MIPOL1: variants seen among roughly 807,000 people sequenced by gnomAD.
MIPOL1 encodes the protein mirror-image polydactyly gene 1 protein.
Under a neutral mutation model 60.9 loss-of-function variants are expected in MIPOL1, and 57 were observed. That is an observed-to-expected ratio of 0.94 (90% CI 0.76 to 1.17). MIPOL1 has a LOEUF of 1.17. Ranked by LOEUF, MIPOL1 falls within the 50% of genes most tolerant of loss-of-function variation. The probability of loss-of-function intolerance (pLI) is 0.00; values close to 1 mark genes in which losing one functional copy is unlikely to be tolerated. For missense variants in MIPOL1, 551 were observed against 511.6 expected, an observed-to-expected ratio of 1.08 and a Z score of -0.74; for synonymous variants, 179 against 168.8, an observed-to-expected ratio of 1.06 and a Z score of -0.47.
intron 12 of MIPOL1, among the ~76,000 whole-genome samples, chr14:37,522,735 A>T (rs1035507038): frequency 5.3e-5 from 8 of 152,202 alleles, no homozygotes; most frequent in Admixed American, 5.2e-4. Context: ...CATAGAATAC[A>T]TCATTTATCG....
chr14:37,425,784 AAG>A, intron 11 of MIPOL1, among the ~76,000 whole-genome samples: 1 of 152,334 alleles, frequency 6.6e-6, no homozygotes. Context: ...CATAGGAAAA[AAG>A]AGTCAAATGT....
At chr14:37,505,877 T>C (rs972518177) in intron 12 of MIPOL1, 2 of 152,208 alleles carry the variant, frequency 1.3e-5, no homozygotes, top group African/African-American at 4.8e-5. Flanking sequence ...GCCCAAAACC[T>C]CTTTAAGATG....
chr14:37,364,412 G>A (rs1566441441), intron 9 of MIPOL1, among the ~76,000 whole-genome samples: 1 of 152,192 alleles, frequency 6.6e-6, no homozygotes, highest in Non-Finnish European at 1.5e-5. Context: ...TATATGGCAA[G>A]GGTTAGTTGT....
chr14:37,377,544 T>C (rs993780178), intron 10 of MIPOL1, among the ~76,000 whole-genome samples: 8 of 152,104 alleles, frequency 5.3e-5, no homozygotes, highest in African/African-American at 1.9e-4. Flanking sequence ...ATATTTTAAA[T>C]CATTCTTTAT....
Position 37,482,372 on chromosome 14 carries a change from T to C in MIPOL1, c.1032-17536T>C, listed in dbSNP as rs939085568. On this transcript the variant is annotated intron_variant, in intron 11 of 12. Transcript: ENST00000684589. ...AATGCAAATTAAAACCACAATAAGA[T>C]ATCTTACACCAGTCAGCATGGCTGT... Among the ~76,000 whole-genome samples the C allele has an allele frequency of 4.5e-4, 68 of 152,296 alleles. 3 individuals are homozygous for C. Among genetic ancestry groups the C allele is most frequent in the Middle Eastern group, 3.4e-3 (1 of 294 alleles).
intron 12 of MIPOL1, chr14:37,503,777 G>A (rs551268443): frequency 6.6e-6 from 1 of 152,120 alleles, no homozygotes; most frequent in African/African-American, 2.4e-5. Flanking sequence ...AAATGGAAAT[G>A]GGCTAAATGC....
chr14:37,216,062 CAAAA>C (rs71449980), intron 1 of MIPOL1, among the ~76,000 whole-genome samples: 3 of 85,832 alleles, frequency 3.5e-5, no homozygotes, highest in East Asian at 7.2e-4. Context: ...ACCTCCATCT[CAAAA>C]AAAAAAAAAA....
Position 37,414,200 on chromosome 14 carries a change from C to G in MIPOL1, c.937-8655C>G, listed in dbSNP as rs151042938. On this transcript the variant is annotated intron_variant, in intron 10 of 12. Transcript: ENST00000684589. Reference sequence around the variant, plus strand: ...TACTTGAGAAAAGATAAGTTGACTTCTCCCAGTTTAGTGAATGACATATTT... The same window carrying G: ...TACTTGAGAAAAGATAAGTTGACTTGTCCCAGTTTAGTGAATGACATATTT... 4.3e-3 allele frequency among the ~76,000 whole-genome samples: 654 copies of G among 152,226 alleles called. 4 individuals carry two copies. The highest frequency in any genetic ancestry group is 0.015 in the African/African-American group (629 of 41,534).
chr14:37,351,549 T>A (rs1259127934), intron 9 of MIPOL1, among the ~76,000 whole-genome samples: 1 of 149,508 alleles, frequency 6.7e-6, no homozygotes, highest in Non-Finnish European at 1.5e-5. Flanking sequence ...TTCCTATTTC[T>A]CCACATCCTC....
intron 3 of MIPOL1, among the ~76,000 whole-genome samples, chr14:37,252,557 C>T (rs892506968): frequency 1.3e-5 from 2 of 151,760 alleles, no homozygotes; most frequent in African/African-American, 4.8e-5. Flanking sequence ...TGAAAGGTAA[C>T]TTGCAAGTGG....
intron 12 of MIPOL1, among the ~76,000 whole-genome samples, chr14:37,509,299 T>G (rs998621113): frequency 6.6e-6 from 1 of 151,884 alleles, no homozygotes; most frequent in South Asian, 2.1e-4. Flanking sequence ...TCTGAGAGTT[T>G]TATATATATA....
chr14:37,304,309 C>T (rs1028306197), intron 7 of MIPOL1, among the ~76,000 whole-genome samples: 4 of 151,258 alleles, frequency 2.6e-5, no homozygotes, highest in Non-Finnish European at 4.4e-5. Flanking sequence ...TTTTCTTTAC[C>T]CCTTGGCTTT....
At chr14:37,274,644 G>T (rs955445804) in intron 6 of MIPOL1, among the ~76,000 whole-genome samples, 1 of 151,262 alleles carries the variant, frequency 6.6e-6, no homozygotes, top group Admixed American at 6.6e-5. Flanking sequence ...GGTTAAATGC[G>T]CAGACTTGGG....
intron 10 of MIPOL1, among the ~76,000 whole-genome samples, chr14:37,389,869 A>G (rs1012183282): frequency 5.3e-5 from 8 of 151,812 alleles, no homozygotes; most frequent in African/African-American, 1.9e-4. Context: ...AAAACAAACA[A>G]AAAGTCTGAA....
intron 1 of MIPOL1, among the ~76,000 whole-genome samples, chr14:37,224,070 G>T (rs1382525822): frequency 6.6e-6 from 1 of 152,120 alleles, no homozygotes; most frequent in Non-Finnish European, 1.5e-5. Context: ...CTTCTCAAAG[G>T]TTACAGTGTT....
intron 3 of MIPOL1, among the ~76,000 whole-genome samples, chr14:37,261,160 T>G (rs2082495633): frequency 1.3e-5 from 2 of 152,088 alleles, no homozygotes; most frequent in Admixed American, 1.3e-4. Flanking sequence ...TCTCTTTGTG[T>G]TTATGTTTCT....
intron 1 of MIPOL1, among the ~76,000 whole-genome samples, chr14:37,230,265 C>T (rs1448508689): frequency 6.6e-6 from 1 of 152,096 alleles, no homozygotes; most frequent in Non-Finnish European, 1.5e-5. Flanking sequence ...TCTAACAGGA[C>T]TAAAAATTTT....
intron 9 of MIPOL1, among the ~76,000 whole-genome samples, chr14:37,354,004 G>A (rs2091609449): frequency 6.6e-6 from 1 of 151,554 alleles, no homozygotes; most frequent in South Asian, 2.1e-4. Flanking sequence ...ATGTTAGGGT[G>A]TCAATTTTGG....
rs1412250218 is a variant in MIPOL1, at chr14:37,413,388, C to T, written c.937-9467C>T. ...CCAGCTTCTAGAAGCTATCCATGTT[C>T]CTTGGCTTGTGGCCCCCTTTCATCT... On this transcript the variant is annotated intron_variant, in intron 10 of 12. Transcript: ENST00000684589. Among the ~76,000 whole-genome samples, 5 of 152,280 alleles carry T rather than the reference C, an allele frequency of 3.3e-5. No individual in the cohort carries two copies. The East Asian group carries it at 9.7e-4, about 29-fold the overall frequency.
Sources: allele counts gnomAD v4.1 joint callset (sites outside exome capture counted in the v4.1 genomes callset), GRCh38; gene constraint gnomAD v4.1.1; transcripts MANE v1.5; gene names NCBI Gene and HGNC (gene_info 2026-07-23, HGNC 2026-07-21).